RBM44: variants seen among roughly 807,000 people sequenced by gnomAD.
RBM44 encodes RNA binding motif protein 44.
In RBM44, 66 loss-of-function variants were observed where a neutral mutation model predicts 105.1. That is an observed-to-expected ratio of 0.63 (90% CI 0.52 to 0.77). The LOEUF (loss-of-function observed/expected upper bound fraction) is 0.77, where lower values mean the gene tolerates loss of function less well. RBM44 is among the 30% of genes least tolerant of loss of function. The probability of loss-of-function intolerance (pLI) is 0.00; values close to 1 mark genes in which losing one functional copy is unlikely to be tolerated. For synonymous variants in RBM44, 365 were observed against 417.6 expected, an observed-to-expected ratio of 0.87 and a Z score of 1.54; for missense variants, 1,122 against 1,207.8, an observed-to-expected ratio of 0.93 and a Z score of 1.05.
chr2:237,823,396 A>G, intron 8 of RBM44, 44 bp from the exon 9 acceptor site: 3 of 880,244 alleles, frequency 3.4e-6, no homozygotes, highest in Non-Finnish European at 5.5e-6. Flanking sequence ...AGAGCATAAT[A>G]ATTATTTGCC....
intron 15 of RBM44, among the ~76,000 whole-genome samples, chr2:237,840,187 C>CAAAAAAAA (rs34666443): frequency 6.2e-5 from 4 of 64,902 alleles, no homozygotes; most frequent in South Asian, 6.1e-4. Context: ...GACTCTATCT[C>CAAAAAAAA]AAAAAAAAAA....
chr2:237,839,397 A>G (rs1046232871), intron 15 of RBM44, among the ~76,000 whole-genome samples: 5 of 152,072 alleles, frequency 3.3e-5, no homozygotes, highest in South Asian at 2.1e-4. Context: ...CAGCCTCCCA[A>G]GTAGCTGAGA....
At chr2:237,806,996 T>C (rs1013154138) in intron 1 of RBM44, among the ~76,000 whole-genome samples, 1 of 152,222 alleles carries the variant, frequency 6.6e-6, no homozygotes, top group Non-Finnish European at 1.5e-5. Flanking sequence ...TATTTTCATT[T>C]ATAAGTAGCT....
At chr2:237,836,641 G>A (rs554726185) in intron 15 of RBM44, among the ~76,000 whole-genome samples, 17 of 152,144 alleles carry the variant, frequency 1.1e-4, no homozygotes, top group Non-Finnish European at 1.9e-4. Flanking sequence ...TTAGCTGGGC[G>A]TGGTGGCGTG....
chr2:237,840,797 T>G (rs2062004855), intron 15 of RBM44, among the ~76,000 whole-genome samples: 1 of 152,182 alleles, frequency 6.6e-6, no homozygotes, highest in Admixed American at 6.5e-5. Flanking sequence ...TACATTCACG[T>G]GGCCAACAAG....
At chr2:237,801,771 G>A (rs1271981782) in intron 1 of RBM44, among the ~76,000 whole-genome samples, 5 of 152,140 alleles carry the variant, frequency 3.3e-5, no homozygotes, top group Admixed American at 2.6e-4. Context: ...AGCCTGGCTA[G>A]CCCCTACTTG....
At position 237,829,473 on chromosome 2, in the gene RBM44, C is replaced by T; in HGVS notation, c.2857C>T (p.Gln953Ter). The T allele has an allele frequency of 1.2e-6, 2 of 1,613,292 alleles. No individual in the cohort carries two copies. Among genetic ancestry groups the T allele is most frequent in the Non-Finnish European group, 1.7e-6 (2 of 1,179,528 alleles). ...TAGGCCACGGCAGCTGGGTTCTGAGCAAGACAGTGAGGTTTTCCCTTCCGA... is the reference window on the plus strand; with the variant it reads ...TAGGCCACGGCAGCTGGGTTCTGAGTAAGACAGTGAGGTTTTCCCTTCCGA... ...RTRPRQLGSEQDSEVFPSDQG... is the reference protein window; with the variant it reads ...RTRPRQLGSE The change falls in exon 13 of 16, where the codon CAA becomes TAA. Residue 953 changes from glutamine to a stop codon, truncating the protein, a stop_gained. Transcript: ENST00000316997. LOFTEE classifies it high-confidence loss of function.
intron 13 of RBM44, among the ~76,000 whole-genome samples, chr2:237,831,068 T>C (rs1331428337): frequency 6.6e-6 from 1 of 151,944 alleles, no homozygotes; most frequent in Admixed American, 6.6e-5. Flanking sequence ...CTTTATCCAG[T>C]CCTTTCCTCA....
In RBM44 at chr2:237,810,422, C is replaced by T. The variant is rs1330184707; in HGVS notation, c.-18-3170C>T. On this transcript the variant is annotated intron_variant, in intron 1 of 15. Coordinates refer to ENST00000316997, the MANE Select transcript of RBM44 (RefSeq NM_001080504.3). ...CTTTTTATCTCCTCTGTTGCAGTCACTGTGGTCCCAGCTATCACATCCTGA... is the reference window on the plus strand; with the variant it reads ...CTTTTTATCTCCTCTGTTGCAGTCATTGTGGTCCCAGCTATCACATCCTGA... Among the ~76,000 whole-genome samples, 2 of 152,226 alleles carry T rather than the reference C, an allele frequency of 1.3e-5. 1 individual carries two copies. The highest frequency in any genetic ancestry group is 3.8e-4 in the East Asian group (2 of 5,202).
In RBM44 at chr2:237,817,608, G is replaced by A. The variant is rs2061734193; in HGVS notation, c.689G>A (p.Ser230Asn). The A allele has an allele frequency of 6.2e-7, 1 of 1,612,930 alleles. No homozygotes were observed. Among genetic ancestry groups the A allele is most frequent in the Non-Finnish European group, 8.5e-7 (1 of 1,179,426 alleles). Residue 230 changes from serine to asparagine, a missense_variant, in exon 3 of 16, where the codon AGC (serine) becomes AAC (asparagine). By Grantham distance (46) the Ser-to-Asn change is conservative (BLOSUM62 1). Transcript: ENST00000316997. ...TCGGGTTATGAAGTTAAATGTGCTA[G>A]CAATGTAGAAGATAATCGTGTTAAC... Reference protein sequence around the residue: ...GNSGYEVKCASNVEDNRVNSG... With the variant: ...GNSGYEVKCANNVEDNRVNSG...
intron 1 of RBM44, among the ~76,000 whole-genome samples, chr2:237,809,472 C>G (rs1488179694): frequency 6.6e-6 from 1 of 152,114 alleles, no homozygotes; most frequent in African/African-American, 2.4e-5. Context: ...TAAGTCTACT[C>G]CAGACAGGCA....
chr2:237,817,395 G>C lies in RBM44; in HGVS notation c.476G>C (p.Arg159Thr), dbSNP rs1279996988. ...EHQDKTVGLE[R>T]IYNISDANYR... is the part of the protein sequence containing the mutation. ...CAAGATAAGACTGTTGGCTTGGAAA[G>C]AATCTACAATATTTCAGATGCTAAT... Residue 159 changes from arginine (R) to threonine (T), a missense_variant, in exon 3 of 16, where the codon AGA (arginine) becomes ACA (threonine). Physicochemically the swap from Arg to Thr is moderately conservative, Grantham distance 71. Transcript: ENST00000316997. The C allele has an allele frequency of 1.2e-6, 2 of 1,602,458 alleles. No homozygotes were observed. Among genetic ancestry groups the C allele is most frequent in the Non-Finnish European group, 8.5e-7 (1 of 1,174,236 alleles).
intron 1 of RBM44, among the ~76,000 whole-genome samples, chr2:237,811,276 C>CT (rs113029085): frequency 0.058 from 8,785 of 151,882 alleles, 343 homozygotes; most frequent in African/African-American, 0.11. Flanking sequence ...ATTACTGTTT[C>CT]TTTTTTTTCC....
rs774303403 is a variant in RBM44, at chr2:237,817,869, G to A, written c.950G>A (p.Ser317Asn). ...TCTCAATCTAAGAGTGGTTCCTTGA[G>A]CCCTCAAAAAGTATTAAAAATGAAA... is the stretch of plus-strand genomic sequence containing the variant. ...QESQSKSGSLSPQKVLKMKIY... is the reference protein window; with the variant it reads ...QESQSKSGSLNPQKVLKMKIY... Residue 317 changes from serine to asparagine, a missense_variant, in exon 3 of 16, where the codon AGC becomes AAC. Coordinates refer to ENST00000316997, the MANE Select transcript of RBM44 (RefSeq NM_001080504.3). 1 of 1,607,992 alleles carries A rather than the reference G, an allele frequency of 6.2e-7. No individual in the cohort carries two copies. The highest frequency in any genetic ancestry group is 1.3e-5 in the African/African-American group (1 of 74,316).
chr2:237,839,781 A>G (rs978061543), intron 15 of RBM44, among the ~76,000 whole-genome samples: 2 of 152,248 alleles, frequency 1.3e-5, no homozygotes, highest in African/African-American at 2.4e-5. Context: ...AAGAAGATAC[A>G]TATATTAGAC....
At chr2:237,839,764 A>T (rs1414529172) in intron 15 of RBM44, among the ~76,000 whole-genome samples, 1 of 152,226 alleles carries the variant, frequency 6.6e-6, no homozygotes, top group Non-Finnish European at 1.5e-5. Context: ...AAAAGCATGG[A>T]CAACAAAAGA....
chr2:237,823,731 C>T (rs1202299177), intron 9 of RBM44, among the ~76,000 whole-genome samples, 177 bp downstream of exon 9: 1 of 152,068 alleles, frequency 6.6e-6, no homozygotes, highest in Non-Finnish European at 1.5e-5. Flanking sequence ...TTTAAGGTTG[C>T]CTAATATAGC....
At chr2:237,832,724 ATTAT>A (rs2061915803) in intron 13 of RBM44, among the ~76,000 whole-genome samples, 1 of 152,128 alleles carries the variant, frequency 6.6e-6, no homozygotes, top group Admixed American at 6.6e-5. Flanking sequence ...TCTCAACATT[ATTAT>A]TTATTCTATT....
intron 7 of RBM44, among the ~76,000 whole-genome samples, 186 bp from the exon 8 acceptor site, chr2:237,821,557 A>G (rs187348461): frequency 2.0e-5 from 3 of 152,214 alleles, no homozygotes; most frequent in Admixed American, 6.5e-5. Flanking sequence ...TTGCATGCAT[A>G]GGATGTGTAC....
Sources: gnomAD v4.1 joint callset for allele counts (sites outside exome capture counted in the v4.1 genomes callset) on GRCh38, gnomAD v4.1.1 for gene constraint, MANE v1.5 for transcripts, NCBI Gene and HGNC (gene_info 2026-07-23, HGNC 2026-07-21) for gene names.